Variants in CFAP300 observed in about 807,000 individuals in gnomAD.
CFAP300 encodes cilia and flagella associated protein 300.
Under a neutral mutation model 33.0 loss-of-function variants are expected in CFAP300, and 32 were observed. That is an observed-to-expected ratio of 0.97 (90% CI 0.73 to 1.30). The LOEUF (loss-of-function observed/expected upper bound fraction) is 1.30, where lower values mean the gene tolerates loss of function less well. CFAP300 is among the 50% of genes most tolerant of loss of function. CFAP300 has a pLI of 0.00. For missense variants in CFAP300, 356 were observed against 318.1 expected (o/e 1.12, Z -0.90); for synonymous variants, 102 against 106.8 (o/e 0.95, Z 0.28).
chr11:102,050,621 A>G (rs1373688579), intron 2 of CFAP300, among the ~76,000 whole-genome samples: 1 of 152,222 alleles, frequency 6.6e-6, no homozygotes, highest in Non-Finnish European at 1.5e-5. Context: ...GAAGTGATAA[A>G]ATACATACCT....
At chr11:102,077,453 A>C (rs1418442724) in intron 5 of CFAP300, among the ~76,000 whole-genome samples, 4 of 152,264 alleles carry the variant, frequency 2.6e-5, no homozygotes, top group Non-Finnish European at 5.9e-5. Flanking sequence ...AGCACACTAC[A>C]GCGTGTGATT....
chr11:102,081,455 T>C, intron 6 of CFAP300, 174 bp downstream of exon 6: 1 of 618,278 alleles, frequency 1.6e-6, no homozygotes, highest in Non-Finnish European at 2.8e-6. Flanking sequence ...GGAGAACAAT[T>C]TGAACTTTTT....
intron 5 of CFAP300, among the ~76,000 whole-genome samples, chr11:102,078,298 T>C (rs1185963035): frequency 6.6e-6 from 1 of 152,166 alleles, no homozygotes; most frequent in Admixed American, 6.6e-5. Flanking sequence ...CAAATGACAT[T>C]GACAAGAAAC....
chr11:102,064,920 G>A (rs924489539), intron 3 of CFAP300, among the ~76,000 whole-genome samples: 6 of 152,190 alleles, frequency 3.9e-5, no homozygotes, highest in Non-Finnish European at 7.4e-5. Context: ...AATAAGTGTG[G>A]GATAGGGAAT....
intron 5 of CFAP300, among the ~76,000 whole-genome samples, chr11:102,076,957 A>G (rs1243713616): frequency 6.6e-6 from 1 of 152,224 alleles, no homozygotes; most frequent in Non-Finnish European, 1.5e-5. Flanking sequence ...TAGAAACAGA[A>G]TTTCAGAAAA....
At chr11:102,052,052 T>C (rs1414181937) in intron 2 of CFAP300, among the ~76,000 whole-genome samples, 1 of 152,202 alleles carries the variant, frequency 6.6e-6, no homozygotes, top group African/African-American at 2.4e-5. Context: ...AATTTACATG[T>C]ATTAGGACAT....
intron 2 of CFAP300, among the ~76,000 whole-genome samples, chr11:102,053,444 G>T (rs905124945): frequency 2.0e-5 from 3 of 151,452 alleles, no homozygotes; most frequent in African/African-American, 7.3e-5. Context: ...CCAGCTACTT[G>T]GGAAGCTGAG....
At chr11:102,056,541 C>T (rs965584001) in intron 2 of CFAP300, among the ~76,000 whole-genome samples, 5 of 152,216 alleles carry the variant, frequency 3.3e-5, no homozygotes, top group African/African-American at 1.2e-4. Flanking sequence ...ATTTCTTTCA[C>T]TGCTCTTGAA....
intron 5 of CFAP300, among the ~76,000 whole-genome samples, chr11:102,080,627 C>T (rs748420277): frequency 2.6e-5 from 4 of 151,924 alleles, no homozygotes; most frequent in Non-Finnish European, 4.4e-5. Flanking sequence ...CTCGAACTCC[C>T]GACCTCAGGT....
At position 102,074,655 on chromosome 11, in the gene CFAP300, T is replaced by A. The variant is rs569810384; in HGVS notation, c.436-1218T>A. Among the ~76,000 whole-genome samples the A allele has an allele frequency of 2.0e-5, 3 of 152,254 alleles. No individual in the cohort carries two copies. The South Asian group carries it at 6.2e-4, about 32-fold the overall frequency. On this transcript the variant is annotated intron_variant, in intron 4 of 6. Coordinates refer to ENST00000434758, the MANE Select transcript of CFAP300 (RefSeq NM_032930.3). ...TCCACTTTATTTCTTGACCATAGTTTTTTTGTCCTTTATTATTTGGGTCTT... is the reference window on the plus strand; with the variant it reads ...TCCACTTTATTTCTTGACCATAGTTATTTTGTCCTTTATTATTTGGGTCTT...
At chr11:102,067,485 AC>A (rs1486709928) in intron 4 of CFAP300, among the ~76,000 whole-genome samples, 1 of 152,238 alleles carries the variant, frequency 6.6e-6, no homozygotes, top group African/African-American at 2.4e-5. Flanking sequence ...AGTACACTGA[AC>A]TTGGAATTAA....
chr11:102,048,034 A>G (rs1042647770), intron 2 of CFAP300, 138 bp downstream of exon 2: 7 of 756,542 alleles, frequency 9.3e-6, no homozygotes, highest in Non-Finnish European at 1.4e-5. Context: ...AAAGGTGCAA[A>G]TGATTTTTTT....
In CFAP300 at chr11:102,066,605, T is replaced by C. The variant is rs1361615587; in HGVS notation, c.389T>C (p.Leu130Ser). 1.9e-6 allele frequency: 3 copies of C among 1,609,200 alleles called. No individual in the cohort carries two copies. The highest frequency in any genetic ancestry group is 3.4e-5 in the Admixed American group (2 of 59,008). ...VRDSGHIVKCLDSFCDPFLIS... is the reference protein window; with the variant it reads ...VRDSGHIVKCSDSFCDPFLIS... Reference sequence around the variant, plus strand: ...GACAGTGGACATATTGTTAAATGTTTAGATTCTTTTTGTGATCCATTTCTC... The same window carrying C: ...GACAGTGGACATATTGTTAAATGTTCAGATTCTTTTTGTGATCCATTTCTC... Residue 130 changes from leucine to serine, a missense_variant, in exon 4 of 7, where the codon TTA becomes TCA. Transcript: ENST00000434758.
intron 4 of CFAP300, among the ~76,000 whole-genome samples, chr11:102,073,660 T>G (rs1358050960): frequency 6.6e-6 from 1 of 151,970 alleles, no homozygotes; most frequent in Non-Finnish European, 1.5e-5. Flanking sequence ...GTGGGGTTGC[T>G]GTCAGTGGCT....
At chr11:102,047,649 G>A in intron 1 of CFAP300, 69 bp downstream of exon 1, 1 of 1,490,264 alleles carries the variant, frequency 6.7e-7, no homozygotes, top group South Asian at 1.2e-5. Flanking sequence ...CAGGCCGGGC[G>A]TCGAGGGGCC....
At chr11:102,062,505 G>A (rs1435611888) in intron 3 of CFAP300, among the ~76,000 whole-genome samples, 2 of 152,180 alleles carry the variant, frequency 1.3e-5, no homozygotes, top group African/African-American at 4.8e-5. Flanking sequence ...TTGTTATAAA[G>A]TGGCAAATAA....
At chr11:102,059,307 GT>G (rs1302416689) in intron 3 of CFAP300, among the ~76,000 whole-genome samples, 2 of 87,828 alleles carry the variant, frequency 2.3e-5, no homozygotes, top group Non-Finnish European at 4.7e-5. Flanking sequence ...GTGTGTGTGT[GT>G]GTGTGTGTGT....
At chr11:102,082,924 G>T in intron 6 of CFAP300, 147 bp from the exon 7 acceptor site, 2 of 221,252 alleles carry the variant, frequency 9.0e-6, no homozygotes, top group Non-Finnish European at 1.6e-5. Context: ...TTGAACCCGT[G>T]CGGCAGAGGT....
chr11:102,047,730 C>A, intron 1 of CFAP300, 85 bp from the exon 2 acceptor site: 1 of 1,516,670 alleles, frequency 6.6e-7, no homozygotes, highest in South Asian at 1.2e-5. Flanking sequence ...CCGGGAAGGG[C>A]GGATGCTGTG....
Sources: gnomAD v4.1 joint callset for allele counts (sites outside exome capture counted in the v4.1 genomes callset) on GRCh38, gnomAD v4.1.1 for gene constraint, MANE v1.5 for transcripts, NCBI Gene and HGNC (gene_info 2026-07-23, HGNC 2026-07-21) for gene names.